SMAD6: variants seen among roughly 807,000 people sequenced by gnomAD.
SMAD6 encodes MAD homolog 6.
Under a neutral mutation model 39.4 loss-of-function variants are expected in SMAD6, and 103 were observed. The ratio of observed to expected loss-of-function variants is 2.62; its 90% CI spans 2.23 to 3.08. SMAD6 has a LOEUF of 3.08. SMAD6 is among the 30% of genes most tolerant of loss of function. SMAD6 has a pLI of 0.00. For missense variants in SMAD6, 1,104 were observed against 742.9 expected, an observed-to-expected ratio of 1.49 and a Z score of -5.65; for synonymous variants, 445 against 353.3, an observed-to-expected ratio of 1.26 and a Z score of -2.91.
rs1016299989 is a variant in SMAD6 at position 66,781,305 on chromosome 15, G to T, written c.1261G>T (p.Gly421Cys). The change falls in exon 4 of 4, where the codon GGC becomes TGC. Residue 421 changes from glycine (G) to cysteine (C), a missense_variant. Physicochemically the swap from Gly to Cys is radical, Grantham distance 159. Coordinates refer to ENST00000288840, the MANE Select transcript of SMAD6 (RefSeq NM_005585.5). ...FVNSPTLDAP[G>C]GRALVVRKVP... The stretch of plus-strand genomic sequence containing the variant: ...CAACTCCCCGACGCTGGACGCGCCC[G>T]GCGGCCGCGCCCTGGTCGTGCGCAA... The T allele has an allele frequency of 5.0e-6, 8 of 1,602,400 alleles. No homozygotes were observed. The highest frequency in any genetic ancestry group is 6.0e-6 in the Non-Finnish European group (7 of 1,176,122).
chr15:66,704,333 T>G (rs1893061557), intron 1 of SMAD6: 6 of 347,736 alleles, frequency 1.7e-5, no homozygotes. Flanking sequence ...CTGTGCAGTT[T>G]CAGGGACATG....
chr15:66,764,296 C>CTT (rs924807403), intron 3 of SMAD6, among the ~76,000 whole-genome samples: 37 of 146,502 alleles, frequency 2.5e-4, no homozygotes, highest in African/African-American at 9.0e-4. Context: ...TTTATCAAAA[C>CTT]TTTTTTTTTT....
rs958212118 is a variant in SMAD6, at chr15:66,778,326, C to T, written c.953-2671C>T. ...TAAACTCCTGAGCTCAAATGAGCCT[C>T]CTGCCTCAGCCTCCCAGAGTTCCCA... On this transcript the variant is annotated intron_variant, in intron 3 of 3. Coordinates refer to ENST00000288840, the MANE Select transcript of SMAD6 (RefSeq NM_005585.5). Among the ~76,000 whole-genome samples the T allele has an allele frequency of 2.6e-5, 4 of 152,282 alleles. No individual in the cohort carries two copies. In the East Asian group the frequency reaches 7.7e-4, roughly 29 times the overall value.
rs909578791 is a variant in SMAD6, at chr15:66,703,155, T to G, written c.-104T>G. 2 of 837,970 alleles carry G rather than the reference T, an allele frequency of 2.4e-6. No homozygotes were observed. Among genetic ancestry groups the G allele is most frequent in the Non-Finnish European group, 1.7e-6 (1 of 601,160 alleles). 51.9% of individuals were successfully genotyped at this position (837,970 alleles called of 1,614,324 possible). ...TCTGCACGGCGCTCCGCGGCGGAGC[T>G]TCATGTGGGGCTGCGACCCGCGCAG... On this transcript the variant is annotated 5_prime_UTR_variant, in exon 1 of 4. Coordinates refer to ENST00000288840, the MANE Select transcript of SMAD6 (RefSeq NM_005585.5).
At chr15:66,751,253 C>A (rs1308198131) in intron 3 of SMAD6, among the ~76,000 whole-genome samples, 1 of 152,194 alleles carries the variant, frequency 6.6e-6, no homozygotes, top group East Asian at 1.9e-4. Context: ...ACCTCCTACT[C>A]CAGAATCCGA....
intron 3 of SMAD6, among the ~76,000 whole-genome samples, chr15:66,741,788 C>A (rs1329018885): frequency 6.6e-6 from 1 of 152,236 alleles, no homozygotes; most frequent in Non-Finnish European, 1.5e-5. Flanking sequence ...ACCACTCCCT[C>A]ACTCAAATGC....
chr15:66,777,138 T>C (rs1254926770), intron 3 of SMAD6, among the ~76,000 whole-genome samples: 2 of 152,162 alleles, frequency 1.3e-5, no homozygotes, highest in Non-Finnish European at 1.5e-5. Context: ...TGGGTCTCAC[T>C]GGATAAGATA....
At chr15:66,769,282 A>G (rs1237385329) in intron 3 of SMAD6, among the ~76,000 whole-genome samples, 1 of 152,174 alleles carries the variant, frequency 6.6e-6, no homozygotes, top group Non-Finnish European at 1.5e-5. Context: ...TGCTTTCACC[A>G]TCTTGAAAAT....
In SMAD6 at chr15:66,781,135, G is replaced by A; in HGVS notation, c.1091G>A (p.Ser364Asn). ...VSIFYDLPQG[S>N]GFCLGQLNLE... ...ATCTTCTACGACCTACCTCAGGGCA[G>A]CGGCTTCTGCCTGGGCCAGCTCAAC... Residue 364 changes from serine to asparagine, a missense_variant, in exon 4 of 4, where the codon AGC (serine) becomes AAC (asparagine). By Grantham distance (46) the Ser-to-Asn change is conservative. Transcript: ENST00000288840. 6.2e-7 allele frequency: 1 copy of A among 1,608,568 alleles called. No homozygotes were observed. Among genetic ancestry groups the A allele is most frequent in the Non-Finnish European group, 8.5e-7 (1 of 1,179,770 alleles).
chr15:66,711,670 T>C lies in SMAD6; in HGVS notation c.820T>C (p.Ser274Pro). 6.2e-7 allele frequency: 1 copy of C among 1,613,838 alleles called. No homozygotes were observed. Among genetic ancestry groups the C allele is most frequent in the Non-Finnish European group, 8.5e-7 (1 of 1,179,750 alleles). Residue 274 changes from serine to proline, a missense_variant and splice_region_variant, in exon 2 of 4, where the codon TCT becomes CCT. Physicochemically the swap from Ser to Pro is moderately conservative, Grantham distance 74 (BLOSUM62 -1). Coordinates refer to ENST00000288840, the MANE Select transcript of SMAD6 (RefSeq NM_005585.5). ...YHFSRLCGPESPPPPYSRLSP... is the reference protein window; with the variant it reads ...YHFSRLCGPEPPPPPYSRLSP... ...ACATGCTGTCTCCTGTCTTCCAGAA[T>C]CTCCGCCACCTCCCTACTCTCGGCT... is the stretch of plus-strand genomic sequence containing the variant.
chr15:66,764,260 T>C (rs1218047951), intron 3 of SMAD6, among the ~76,000 whole-genome samples: 1 of 152,234 alleles, frequency 6.6e-6, no homozygotes, highest in African/African-American at 2.4e-5. Flanking sequence ...ACAGTTCTCC[T>C]GAACCTTATT....
At chr15:66,714,852 G>A (rs1397754302) in intron 2 of SMAD6, among the ~76,000 whole-genome samples, 2 of 152,140 alleles carry the variant, frequency 1.3e-5, no homozygotes, top group Non-Finnish European at 2.9e-5. Flanking sequence ...CACTCTTCTG[G>A]AAACCTCACA....
At position 66,703,984 on chromosome 15, in the gene SMAD6, G is replaced by A. The variant is rs1193911261; in HGVS notation, c.726G>A (p.Lys242=). 2 of 1,474,350 alleles carry A rather than the reference G, an allele frequency of 1.4e-6. No homozygotes were observed. Among genetic ancestry groups the A allele is most frequent in the Non-Finnish European group, 1.8e-6 (2 of 1,118,794 alleles). The allele number at this position is 1,474,350 out of a possible 1,614,324, so 91.3% of individuals were successfully genotyped here. ...WPDLQHAVEL[K]PLCGCHSFAA... ...ACCTGCAGCACGCCGTGGAGCTGAA[G>A]CCCCTGTGCGGCTGCCACAGCTTCG... Residue 242 remains lysine (K), a synonymous_variant, in exon 1 of 4, where the codon AAG becomes AAA. Coordinates refer to ENST00000288840, the MANE Select transcript of SMAD6 (RefSeq NM_005585.5).
In SMAD6 at chr15:66,703,704, C is replaced by T. The variant is rs535980291; in HGVS notation, c.446C>T (p.Ala149Val). ...GCCAGCGACCCCCTGGCCGGGGCGGCCCTGGAGCCGGCGGGCGGCGGGCGG... is the reference window on the plus strand; with the variant it reads ...GCCAGCGACCCCCTGGCCGGGGCGGTCCTGGAGCCGGCGGGCGGCGGGCGG... The part of the protein sequence containing the change: ...RDASDPLAGA[A>V]LEPAGGGRSR... The change falls in exon 1 of 4, where the codon GCC becomes GTC. Residue 149 changes from alanine (A) to valine (V), a missense_variant. By Grantham distance (64) the Ala-to-Val change is moderately conservative. Transcript: ENST00000288840. 6.7e-6 allele frequency: 9 copies of T among 1,340,914 alleles called. No homozygotes were observed. The East Asian group carries it at 2.0e-4, about 30-fold the overall frequency. The allele number at this position is 1,340,914 out of a possible 1,614,324, so 83.1% of individuals were successfully genotyped here. A position where few individuals can be genotyped will look rare whatever the true frequency, so the allele number is the denominator to read the frequency against.
chr15:66,704,103 C>T, intron 1 of SMAD6, 28 bp downstream of exon 1: 2 of 1,385,416 alleles, frequency 1.4e-6, no homozygotes, highest in Non-Finnish European at 1.9e-6. Context: ...GCCGGGGGGG[C>T]CCCGGGTCCC....
intron 3 of SMAD6, among the ~76,000 whole-genome samples, chr15:66,744,127 C>T (rs979359815): frequency 1.3e-5 from 2 of 152,196 alleles, no homozygotes; most frequent in Non-Finnish European, 2.9e-5. Flanking sequence ...CGTTTTCTCT[C>T]TCAGCTGCCC....
chr15:66,766,741 T>C (rs1176213336), intron 3 of SMAD6, among the ~76,000 whole-genome samples: 1 of 152,176 alleles, frequency 6.6e-6, no homozygotes, highest in Non-Finnish European at 1.5e-5. Context: ...TCCCTGTAGC[T>C]GCAAACAGCC....
intron 3 of SMAD6, among the ~76,000 whole-genome samples, chr15:66,773,082 C>A (rs1595799868): frequency 6.6e-6 from 1 of 152,278 alleles, no homozygotes; most frequent in Admixed American, 6.5e-5. Flanking sequence ...GCCAAAAGAG[C>A]CCCTGAGGTG....
Position 66,703,227 on chromosome 15 carries a change from T to TCC in SMAD6, c.-26_-25dup. 1.5e-6 allele frequency: 2 copies of TCC among 1,339,180 alleles called. No homozygotes were observed. Among genetic ancestry groups the TCC allele is most frequent in the Non-Finnish European group, 1.9e-6 (2 of 1,035,334 alleles). The allele number at this position is 1,339,180 out of a possible 1,614,324, so 83.0% of individuals were successfully genotyped here. ...GGACCCCCGGTAACCGGAGACCGCCTCCCCCCCACCCCTGGCGCCAAAGGA... is the reference window on the plus strand; with the variant it reads ...GGACCCCCGGTAACCGGAGACCGCCTCCCCCCCCCACCCCTGGCGCCAAAGGA... On this transcript the variant is annotated 5_prime_UTR_variant, in exon 1 of 4. Transcript: ENST00000288840.
Sources: gnomAD v4.1 joint callset for allele counts (sites outside exome capture counted in the v4.1 genomes callset) on GRCh38, gnomAD v4.1.1 for gene constraint, MANE v1.5 for transcripts, NCBI Gene and HGNC (gene_info 2026-07-23, HGNC 2026-07-21) for gene names.